Variants in ERI3 observed in about 807,000 individuals in gnomAD.
ERI3 encodes the protein ERI1 exoribonuclease family member 3.
In ERI3, 18 loss-of-function variants were observed where a neutral mutation model predicts 44.4. The observed-to-expected ratio is 0.41, with a 90% CI of 0.28 to 0.60. ERI3 has a LOEUF of 0.60. Ranked by LOEUF, ERI3 falls within the 20% of genes least tolerant of loss-of-function variation. The pLI is 0.36. For missense variants in ERI3, 294 were observed against 435.5 expected (o/e 0.68, Z 2.89); for synonymous variants, 183 against 164.8 (o/e 1.11, Z -0.84).
intron 2 of ERI3, among the ~76,000 whole-genome samples, chr1:44,342,333 G>A (rs1361192989): frequency 1.3e-5 from 2 of 152,172 alleles, no homozygotes; most frequent in Non-Finnish European, 2.9e-5. Flanking sequence ...AAGGGCAGTG[G>A]CAGTAATGAG....
intron 2 of ERI3, among the ~76,000 whole-genome samples, chr1:44,348,455 G>A (rs895800608): frequency 1.3e-5 from 2 of 152,146 alleles, no homozygotes; most frequent in Non-Finnish European, 2.9e-5. Flanking sequence ...AGGTGCCAGC[G>A]GCCAGCTCTG....
chr1:44,232,785 T>C (rs981941656), intron 8 of ERI3, among the ~76,000 whole-genome samples: 1 of 152,230 alleles, frequency 6.6e-6, no homozygotes, highest in Non-Finnish European at 1.5e-5. Context: ...GAGACATGGC[T>C]GTACCTAGCT....
At chr1:44,347,020 G>A (rs1646797726) in intron 2 of ERI3, among the ~76,000 whole-genome samples, 1 of 151,980 alleles carries the variant, frequency 6.6e-6, no homozygotes, top group Non-Finnish European at 1.5e-5. Flanking sequence ...AAGCAGAATG[G>A]GTAAGAATAT....
chr1:44,334,920 A>G (rs758247620), intron 3 of ERI3, among the ~76,000 whole-genome samples: 8 of 152,234 alleles, frequency 5.3e-5, no homozygotes, highest in Non-Finnish European at 8.8e-5. Flanking sequence ...AATCAAAGAT[A>G]GATAAAAGAG....
At position 44,228,396 on chromosome 1, in the gene ERI3, G is replaced by A. The variant is rs1644097331; in HGVS notation, c.932-6756C>T. Among the ~76,000 whole-genome samples the A allele has an allele frequency of 6.6e-6, 1 of 152,186 alleles. No individual in the cohort carries two copies. The highest frequency in any genetic ancestry group is 1.5e-5 in the Non-Finnish European group (1 of 68,036). On this transcript the variant is annotated intron_variant, in intron 8 of 8. Coordinates refer to ENST00000372257, the MANE Select transcript of ERI3 (RefSeq NM_024066.3). This position sits in a 1 kb window ranked among gnomAD's most constrained non-coding sequence, Gnocchi z 4.3. ...GCTCCAAATAATTAGCGTGTTTTAC[G>A]TAATAATGAAATTACAGAAATGCAG...
At chr1:44,321,651 T>A (rs1646206918) in intron 3 of ERI3, among the ~76,000 whole-genome samples, 1 of 152,186 alleles carries the variant, frequency 6.6e-6, no homozygotes, top group Admixed American at 6.5e-5. Flanking sequence ...GATGTGTCCT[T>A]CCTCTTCCCC....
chr1:44,330,707 C>G (rs901739623), intron 3 of ERI3, among the ~76,000 whole-genome samples: 1 of 152,092 alleles, frequency 6.6e-6, no homozygotes, highest in African/African-American at 2.4e-5. Flanking sequence ...GGCTATGGCT[C>G]AATTTTCACA....
At position 44,228,520 on chromosome 1, in the gene ERI3, A is replaced by T. The variant is rs920227227; in HGVS notation, c.932-6880T>A. Among the ~76,000 whole-genome samples, 2 of 152,202 alleles carry T rather than the reference A, an allele frequency of 1.3e-5. No homozygotes were observed. Among genetic ancestry groups the T allele is most frequent in the Non-Finnish European group, 2.9e-5 (2 of 68,042 alleles). On this transcript the variant is annotated intron_variant, in intron 8 of 8. Transcript: ENST00000372257. This position sits in a 1 kb window ranked among gnomAD's most constrained non-coding sequence, Gnocchi z 4.3. ...AAGTATGCGGACCGAAGATGTTTTT[A>T]AAAAAATCCTCATAAAGTGTTTATT... is the stretch of plus-strand genomic sequence containing the variant.
chr1:44,263,590 C>T (rs1644933960), intron 7 of ERI3, among the ~76,000 whole-genome samples: 1 of 152,244 alleles, frequency 6.6e-6, no homozygotes, highest in South Asian at 2.1e-4. Context: ...TAAACAGCTT[C>T]CACACTCTCT....
intron 3 of ERI3, among the ~76,000 whole-genome samples, chr1:44,324,972 T>C (rs1003221216): frequency 6.6e-6 from 1 of 152,116 alleles, no homozygotes; most frequent in African/African-American, 2.4e-5. Flanking sequence ...ATTGTCCCTG[T>C]AGATCTTTTG....
In ERI3 at chr1:44,349,548, T is replaced by C. The variant is rs577905321; in HGVS notation, c.211+3302A>G. Among the ~76,000 whole-genome samples, 4 of 152,338 alleles carry C rather than the reference T, an allele frequency of 2.6e-5. No homozygotes were observed. The South Asian group carries it at 6.2e-4, about 24-fold the overall frequency. On this transcript the variant is annotated intron_variant, in intron 2 of 8. Coordinates refer to ENST00000372257, the MANE Select transcript of ERI3 (RefSeq NM_024066.3). ...TTGCTTTAGTTGTAAATTCCTCCTG[T>C]CTGCTGGCTGCCACCACAAGCAGCT... is the stretch of plus-strand genomic sequence containing the variant.
chr1:44,337,992 ACTG>A (rs1646569988), intron 3 of ERI3, among the ~76,000 whole-genome samples: 1 of 152,172 alleles, frequency 6.6e-6, no homozygotes, highest in Non-Finnish European at 1.5e-5. Context: ...ACTACAATGA[ACTG>A]CTACATCAGC....
intron 6 of ERI3, among the ~76,000 whole-genome samples, chr1:44,304,287 T>A (rs1167190117): frequency 6.6e-6 from 1 of 151,900 alleles, no homozygotes; most frequent in Non-Finnish European, 1.5e-5. Context: ...AAAGACGAGA[T>A]CACTCTGGTA....
chr1:44,261,077 C>G (rs1267125742), intron 7 of ERI3, among the ~76,000 whole-genome samples: 1 of 152,250 alleles, frequency 6.6e-6, no homozygotes, highest in Non-Finnish European at 1.5e-5. Flanking sequence ...AGCCTGAAGT[C>G]TAGGTCCCCA....
chr1:44,295,218 T>C (rs949108666), intron 6 of ERI3, among the ~76,000 whole-genome samples: 12 of 152,162 alleles, frequency 7.9e-5, no homozygotes, highest in Admixed American at 2.0e-4. Context: ...AGAGGAAGAA[T>C]GGGCAGGGCT....
At chr1:44,248,396 C>T (rs533733554) in intron 7 of ERI3, among the ~76,000 whole-genome samples, 26 of 152,294 alleles carry the variant, frequency 1.7e-4, no homozygotes, top group Admixed American at 1.4e-3. Flanking sequence ...CTCCCCTTTC[C>T]GGAGCCCCCA....
Position 44,241,535 on chromosome 1 carries a change from G to A in ERI3, c.931+6404C>T, listed in dbSNP as rs1032095687. 2.0e-5 allele frequency among the ~76,000 whole-genome samples: 3 copies of A among 150,172 alleles called. No homozygotes were observed. The highest frequency in any genetic ancestry group is 2.0e-4 in the East Asian group (1 of 4,958). On this transcript the variant is annotated intron_variant, in intron 8 of 8. Coordinates refer to ENST00000372257, the MANE Select transcript of ERI3 (RefSeq NM_024066.3). This position sits in a 1 kb window ranked among gnomAD's most constrained non-coding sequence, Gnocchi z 5.6. ...TCCTCTGAGTAGGAGCAGCCAGCACGCGGGTCCTGCCAGATGGATGCAATT... is the reference window on the plus strand; with the variant it reads ...TCCTCTGAGTAGGAGCAGCCAGCACACGGGTCCTGCCAGATGGATGCAATT...
intron 7 of ERI3, among the ~76,000 whole-genome samples, chr1:44,249,382 G>A (rs1644627360): frequency 6.6e-6 from 1 of 152,148 alleles, no homozygotes; most frequent in African/African-American, 2.4e-5. Flanking sequence ...ACACACAGGG[G>A]AGAGGGCCCA....
At chr1:44,292,838 T>A (rs1473341547) in intron 6 of ERI3, among the ~76,000 whole-genome samples, 1 of 151,804 alleles carries the variant, frequency 6.6e-6, no homozygotes, top group Non-Finnish European at 1.5e-5. Context: ...CAGGAGAGAG[T>A]ACTGTTTGAA....
Sources: allele counts gnomAD v4.1 joint callset (sites outside exome capture counted in the v4.1 genomes callset), GRCh38; gene constraint gnomAD v4.1.1; non-coding constraint Gnocchi (gnomAD v3.1); transcripts MANE v1.5; gene names NCBI Gene and HGNC (gene_info 2026-07-23, HGNC 2026-07-21).